The following PCDHAC1 variants were observed in gnomAD, a reference collection of about 807,000 sequenced individuals.
PCDHAC1 encodes the protein protocadherin alpha-C1.
Under a neutral mutation model 60.0 loss-of-function variants are expected in PCDHAC1, and 42 were observed. The ratio of observed to expected loss-of-function variants is 0.70; its 90% confidence interval spans 0.55 to 0.90. The LOEUF is 0.90. Ranked by LOEUF, PCDHAC1 falls within the 40% of genes least tolerant of loss-of-function variation. The pLI is 0.00. For missense variants in PCDHAC1, 1,160 were observed against 1,222.3 expected (o/e 0.95, Z 0.76); for synonymous variants, 468 against 499.3 (o/e 0.94, Z 0.84).
chr5:140,933,159 A>G (rs565076666), intron 1 of PCDHAC1, among the ~76,000 whole-genome samples: 67 of 152,098 alleles, frequency 4.4e-4, no homozygotes, highest in African/African-American at 1.3e-3. Flanking sequence ...TTTGTTCCCA[A>G]TTTTAATTGA....
At chr5:140,940,940 G>T (rs187772223) in intron 1 of PCDHAC1, among the ~76,000 whole-genome samples, 1 of 152,254 alleles carries the variant, frequency 6.6e-6, no homozygotes, top group Non-Finnish European at 1.5e-5. Context: ...CTTAGACTAC[G>T]TATTCTCAGA....
chr5:141,000,389 C>CTA (rs2097911342), intron 3 of PCDHAC1, among the ~76,000 whole-genome samples: 14 of 62,576 alleles, frequency 2.2e-4, no homozygotes, highest in South Asian at 6.5e-4. Context: ...CTCTCTCTCT[C>CTA]TCTCTCTATA....
chr5:140,968,317 A>G (rs144335538), intron 1 of PCDHAC1: 1 of 1,613,890 alleles, frequency 6.2e-7, no homozygotes, highest in African/African-American at 1.3e-5. Context: ...AAGGGCTGCC[A>G]GTCACCTCCT....
intron 2 of PCDHAC1, among the ~76,000 whole-genome samples, chr5:140,979,837 C>T (rs1554241124): frequency 6.6e-6 from 1 of 152,188 alleles, no homozygotes; most frequent in Non-Finnish European, 1.5e-5. Flanking sequence ...AAGAAATAAT[C>T]TTCAAACTTA....
chr5:140,982,507 G>C lies in PCDHAC1; in HGVS notation c.2525G>C (p.Arg842Pro). 6.2e-7 allele frequency: 1 copy of C among 1,614,138 alleles called. No homozygotes were observed. ...CACCTAGAGGAGGCTGGCATTCTAC[G>C]GGCTGGTCCAGGAGGGCCTGATCAG... ...SVHLEEAGIL[R>P]AGPGGPDQQW... is the part of the protein sequence containing the mutation. The change falls in exon 3 of 4, where the codon CGG becomes CCG. Residue 842 changes from arginine to proline, a missense_variant. This residue lies in a region of PCDHAC1 where 1,113 missense variants were observed against 1,163.7 expected (regional missense o/e 0.96). Coordinates refer to ENST00000253807, the MANE Select transcript of PCDHAC1 (RefSeq NM_018898.5).
intron 3 of PCDHAC1, among the ~76,000 whole-genome samples, chr5:141,002,843 A>G (rs2098098678): frequency 6.6e-6 from 1 of 152,224 alleles, no homozygotes; most frequent in African/African-American, 2.4e-5. Context: ...AGGACTATGC[A>G]CTAGTGAGAG....
At chr5:140,985,491 G>C (rs1288786153) in intron 3 of PCDHAC1, among the ~76,000 whole-genome samples, 3 of 152,166 alleles carry the variant, frequency 2.0e-5, no homozygotes, top group African/African-American at 7.2e-5. Flanking sequence ...GACTCAAATA[G>C]AGCCTGCCTT....
intron 3 of PCDHAC1, among the ~76,000 whole-genome samples, chr5:140,997,706 A>G (rs1387378770): frequency 3.3e-5 from 5 of 151,686 alleles, no homozygotes; most frequent in African/African-American, 1.2e-4. Flanking sequence ...GTATGTTAAC[A>G]AACACCTTTC....
At chr5:140,949,005 A>G (rs1554218775) in intron 1 of PCDHAC1, among the ~76,000 whole-genome samples, 1 of 151,654 alleles carries the variant, frequency 6.6e-6, no homozygotes, top group African/African-American at 2.4e-5. Context: ...ACTAATTTTT[A>G]TATGTGATGT....
At chr5:140,988,471 G>A (rs1442408975) in intron 3 of PCDHAC1, among the ~76,000 whole-genome samples, 1 of 152,078 alleles carries the variant, frequency 6.6e-6, no homozygotes, top group Non-Finnish European at 1.5e-5. Context: ...TGTGGGAAGG[G>A]GAATTAGCAT....
chr5:140,967,057 AGC>A, intron 1 of PCDHAC1: 1 of 1,612,704 alleles, frequency 6.2e-7, no homozygotes, highest in Non-Finnish European at 8.5e-7. Context: ...TGACGAGTGG[AGC>A]GCTCTTCGTC....
chr5:140,967,053 G>A (rs1563359791), intron 1 of PCDHAC1: 4 of 1,612,648 alleles, frequency 2.5e-6, no homozygotes, highest in Non-Finnish European at 3.4e-6. Flanking sequence ...GACCTGACGA[G>A]TGGAGCGCTC....
chr5:140,950,015 T>C (rs2094440217), intron 1 of PCDHAC1, among the ~76,000 whole-genome samples: 1 of 151,906 alleles, frequency 6.6e-6, no homozygotes, highest in Admixed American at 6.6e-5. Context: ...TGTACAACCT[T>C]CATAAAATAT....
intron 3 of PCDHAC1, among the ~76,000 whole-genome samples, chr5:141,003,459 GCAC>G (rs1442979686): frequency 6.6e-6 from 1 of 152,028 alleles, no homozygotes; most frequent in African/African-American, 2.4e-5. Context: ...TTACAGGCGT[GCAC>G]CACCACAGTC....
chr5:140,966,978 G>T lies in PCDHAC1; in HGVS notation c.2434-11971G>T, dbSNP rs782662616. The stretch of plus-strand genomic sequence containing the variant: ...CGCGCGCTGGGGCTTGAGCTGCGGC[G>T]CTTGGGGCCGGGTTGCTTGCGCATC... On this transcript the variant is annotated intron_variant, in intron 1 of 3. Transcript: ENST00000253807. 3.1e-6 allele frequency: 5 copies of T among 1,603,218 alleles called. No homozygotes were observed. In the African/African-American group the frequency reaches 5.3e-5, roughly 17 times the overall value.
At chr5:140,958,703 C>T (rs1302459806) in intron 1 of PCDHAC1, among the ~76,000 whole-genome samples, 3 of 152,112 alleles carry the variant, frequency 2.0e-5, no homozygotes, top group Non-Finnish European at 4.4e-5. Flanking sequence ...AGAGTGACAA[C>T]TCTGTTATAA....
intron 3 of PCDHAC1, among the ~76,000 whole-genome samples, chr5:140,987,644 T>G (rs1461630900): frequency 6.6e-6 from 1 of 152,220 alleles, no homozygotes; most frequent in Non-Finnish European, 1.5e-5. Context: ...TGCACACATA[T>G]TGCAGAATCT....
intron 1 of PCDHAC1, among the ~76,000 whole-genome samples, chr5:140,974,134 C>T (rs1212348196): frequency 1.3e-5 from 2 of 152,290 alleles, no homozygotes; most frequent in East Asian, 1.9e-4. Flanking sequence ...AATCTGCTAA[C>T]CTGAAAACTA....
chr5:140,989,552 G>A (rs975079697), intron 3 of PCDHAC1, among the ~76,000 whole-genome samples: 33 of 152,180 alleles, frequency 2.2e-4, no homozygotes, highest in African/African-American at 7.7e-4. Context: ...ATTCCTTTAC[G>A]TTTTGTGGCT....
Sources: gnomAD v4.1 joint callset for allele counts (sites outside exome capture counted in the v4.1 genomes callset) on GRCh38, gnomAD v4.1.1 for gene constraint, gnomAD v4.1.1 regional missense constraint, MANE v1.5 for transcripts, NCBI Gene and HGNC (gene_info 2026-07-23, HGNC 2026-07-21) for gene names.